UGGT2: variants seen among roughly 807,000 people sequenced by gnomAD.
UGGT2 encodes UDP-glucose:glycoprotein glucosyltransferase 2.
A neutral mutation model predicts 192.1 loss-of-function variants in UGGT2; 180 were observed. The ratio of observed to expected loss-of-function variants is 0.94; its 90% CI spans 0.83 to 1.06. UGGT2 has a LOEUF of 1.06. Ranked by LOEUF, UGGT2 falls within the 50% of genes least tolerant of loss-of-function variation. The pLI, the probability that UGGT2 is intolerant of heterozygous loss-of-function variation, is 0.00. For missense variants in UGGT2, 1,849 were observed against 1,795.7 expected, an observed-to-expected ratio of 1.03 and a Z score of -0.54; for synonymous variants, 580 against 591.0, an observed-to-expected ratio of 0.98 and a Z score of 0.27.
At chr13:95,928,177 G>A (rs1267935866) in intron 17 of UGGT2, among the ~76,000 whole-genome samples, 1 of 152,142 alleles carries the variant, frequency 6.6e-6, no homozygotes, top group Non-Finnish European at 1.5e-5. Flanking sequence ...TGAGCTGTTG[G>A]GTACACCTCC....
At position 95,887,907 on chromosome 13, in the gene UGGT2, T is replaced by C. The variant is rs761997214; in HGVS notation, c.3023A>G (p.Glu1008Gly). ...LFMNCRGRLS[E>G]APLESFYRFV... is the part of the protein sequence containing the mutation. Reference sequence around the variant, plus strand: ...TCAGATTTACCTTTCTAAAGGGGCTTCTGAAAGCCTGCCCCTACAGTTCAT... The same window carrying C: ...TCAGATTTACCTTTCTAAAGGGGCTCCTGAAAGCCTGCCCCTACAGTTCAT... The change falls in exon 26 of 39, where the codon GAA (glutamate) becomes GGA (glycine). Residue 1008 changes from glutamate (E) to glycine (G), a missense_variant. Physicochemically the swap from Glu to Gly is moderately conservative, Grantham distance 98 (BLOSUM62 -2). Coordinates refer to ENST00000376747, the MANE Select transcript of UGGT2 (RefSeq NM_020121.4). 6.2e-7 allele frequency: 1 copy of C among 1,600,838 alleles called. No homozygotes were observed. The highest frequency in any genetic ancestry group is 1.7e-5 in the Admixed American group (1 of 59,046).
intron 11 of UGGT2, among the ~76,000 whole-genome samples, chr13:95,970,602 C>T (rs2050741613): frequency 6.6e-6 from 1 of 152,024 alleles, no homozygotes; most frequent in South Asian, 2.1e-4. Context: ...GACAAACCTA[C>T]TACAAAAATA....
At chr13:96,051,991 G>C (rs1445680471) in intron 1 of UGGT2, among the ~76,000 whole-genome samples, 2 of 152,070 alleles carry the variant, frequency 1.3e-5, no homozygotes, top group Non-Finnish European at 2.9e-5. Context: ...TCTACCCAGA[G>C]GAAAAGAAGT....
chr13:96,053,108 GGC>G lies in UGGT2; in HGVS notation c.158+45_158+46del, dbSNP rs747092633. ...GCACGAAGAAAGCGCGGCTGAGGGT[GGC>G]AGCGCGCCCACACCCGCCCGGACGA... is the stretch of plus-strand genomic sequence containing the variant. On this transcript the variant is annotated intron_variant, in intron 1 of 38. Coordinates refer to ENST00000376747, the MANE Select transcript of UGGT2 (RefSeq NM_020121.4). 5.6e-6 allele frequency: 8 copies of G among 1,426,226 alleles called. No individual in the cohort carries two copies. In the South Asian group the frequency reaches 1.2e-4, roughly 21 times the overall value. 88.3% of individuals were successfully genotyped at this position (1,426,226 alleles called of 1,614,324 possible). A position where few individuals can be genotyped will look rare whatever the true frequency, so the allele number is the denominator to read the frequency against.
In UGGT2 at chr13:95,825,245, G is replaced by A. The variant is rs78111809; in HGVS notation, c.4528+7682C>T. ...TACTGAGTTGATGGTTCAGGCTTCAGGATAGGAGTGGTATCCCTGGGTAGG... is the reference window on the plus strand; with the variant it reads ...TACTGAGTTGATGGTTCAGGCTTCAAGATAGGAGTGGTATCCCTGGGTAGG... On this transcript the variant is annotated intron_variant, in intron 38 of 38. Transcript: ENST00000376747. 3.7e-3 allele frequency among the ~76,000 whole-genome samples: 557 copies of A among 152,232 alleles called. 3 individuals carry two copies. Among genetic ancestry groups the A allele is most frequent in the African/African-American group, 0.012 (516 of 41,556 alleles).
intron 26 of UGGT2, among the ~76,000 whole-genome samples, chr13:95,887,644 TAC>T (rs1456545842): frequency 6.6e-6 from 1 of 152,160 alleles, no homozygotes; most frequent in Non-Finnish European, 1.5e-5. Flanking sequence ...TTTCCAAAAA[TAC>T]CTATGAATAA....
chr13:95,915,585 T>A (rs1464776259), intron 20 of UGGT2, among the ~76,000 whole-genome samples: 1 of 152,256 alleles, frequency 6.6e-6, no homozygotes, highest in East Asian at 1.9e-4. Context: ...CTTATCCCTG[T>A]GGAAGCTTTA....
chr13:96,000,310 T>A (rs1381553304), intron 5 of UGGT2, among the ~76,000 whole-genome samples: 1 of 152,214 alleles, frequency 6.6e-6, no homozygotes, highest in Admixed American at 6.5e-5. Context: ...CTTTCCTCCC[T>A]AAACTTTCTA....
chr13:96,051,550 G>A (rs1342640135), intron 1 of UGGT2, among the ~76,000 whole-genome samples: 1 of 151,606 alleles, frequency 6.6e-6, no homozygotes, highest in Non-Finnish European at 1.5e-5. Flanking sequence ...AGAGTAAACA[G>A]ACAACCCACA....
chr13:95,880,184 T>C (rs2047453465), intron 27 of UGGT2, among the ~76,000 whole-genome samples: 1 of 152,260 alleles, frequency 6.6e-6, no homozygotes, highest in Non-Finnish European at 1.5e-5. Context: ...AAGAAAAGGC[T>C]AAGTTTAATT....
At chr13:95,941,282 T>C (rs748164548) in intron 15 of UGGT2, among the ~76,000 whole-genome samples, 1 of 152,346 alleles carries the variant, frequency 6.6e-6, no homozygotes. Flanking sequence ...ATCTTCATAT[T>C]GTGGCTAAAA....
rs764078302 is a variant in UGGT2, at chr13:96,013,329, T to C, written c.638A>G (p.Tyr213Cys). The change falls in exon 5 of 39, where the codon TAT (tyrosine) becomes TGT (cysteine). Residue 213 changes from tyrosine (Y) to cysteine (C), a missense_variant. By Grantham distance (194) the Tyr-to-Cys change is radical. Transcript: ENST00000376747. ...SEKAQNEEILYVLRHYIQKPS... is the reference protein window; with the variant it reads ...SEKAQNEEILCVLRHYIQKPS... ...TACCTGAATATAATGGCGAAGAACA[T>C]ACAGAATTTCCTCATTTTGAGCTTT... 1.9e-6 allele frequency: 3 copies of C among 1,601,848 alleles called. No individual in the cohort carries two copies. The highest frequency in any genetic ancestry group is 3.5e-5 in the Admixed American group (2 of 56,468).
rs538475106 is a variant in UGGT2, at chr13:95,866,848, TTCCTTATTA to T, written c.3558+482_3558+490del. 2.9e-3 allele frequency among the ~76,000 whole-genome samples: 444 copies of T among 152,270 alleles called. 1 individual carries two copies. Among genetic ancestry groups the T allele is most frequent in the African/African-American group, 0.01 (421 of 41,558 alleles). ...TTTCCCTTTAATTTTGGTTTTGGGT[TTCCTTATTA>T]TCCTTATTATCTTATTATTCTCCGT... On this transcript the variant is annotated intron_variant, in intron 30 of 38. Transcript: ENST00000376747.
intron 37 of UGGT2, among the ~76,000 whole-genome samples, chr13:95,836,841 A>AT (rs34069869): frequency 0.84 from 128,267 of 152,130 alleles, 54,356 homozygotes; most frequent in East Asian, 0.95. Flanking sequence ...GTGATAAATC[A>AT]AGCCATGAAT....
chr13:95,947,144 C>T lies in UGGT2; in HGVS notation c.1570G>A (p.Asp524Asn). 1 of 1,610,092 alleles carries T rather than the reference C, an allele frequency of 6.2e-7. No homozygotes were observed. The highest frequency in any genetic ancestry group is 1.1e-5 in the South Asian group (1 of 89,964). Residue 524 changes from aspartate to asparagine, a missense_variant, in exon 15 of 39, where the codon GAT (aspartate) becomes AAT (asparagine). Physicochemically the swap from Asp to Asn is conservative, Grantham distance 23 (BLOSUM62 1). Transcript: ENST00000376747. ...RIGFVFILNT[D>N]DEVDGANDAG... ...TCATTTGCTCCATCAACTTCATCAT[C>T]TGTATTAAGAATGAACACAAAACCA...
rs561889523 is a variant in UGGT2, at chr13:95,921,032, C to T, written c.2295+4648G>A. Among the ~76,000 whole-genome samples the T allele has an allele frequency of 7.9e-5, 12 of 152,236 alleles. No individual in the cohort carries two copies. In the East Asian group the frequency reaches 2.3e-3, roughly 29 times the overall value. On this transcript the variant is annotated intron_variant, in intron 20 of 38. Coordinates refer to ENST00000376747, the MANE Select transcript of UGGT2 (RefSeq NM_020121.4). ...GCAGCCATAAAATGGAATGAAATCA[C>T]ATCCTTTGCAGGGACACAGAAGGAG...
intron 1 of UGGT2, among the ~76,000 whole-genome samples, chr13:96,036,610 A>T (rs1307382029): frequency 6.6e-6 from 1 of 152,216 alleles, no homozygotes; most frequent in East Asian, 1.9e-4. Flanking sequence ...CCCTCAATAC[A>T]TCACTGCTCT....
At chr13:95,826,289 A>G (rs1227284359) in intron 38 of UGGT2, among the ~76,000 whole-genome samples, 1 of 152,132 alleles carries the variant, frequency 6.6e-6, no homozygotes, top group African/African-American at 2.4e-5. Context: ...TTGGTCAACC[A>G]CAGTAAGGAA....
At chr13:95,904,265 C>T (rs1028272554) in intron 20 of UGGT2, among the ~76,000 whole-genome samples, 5 of 151,902 alleles carry the variant, frequency 3.3e-5, no homozygotes, top group African/African-American at 1.2e-4. Context: ...CCTTTCTCTA[C>T]TCTAAAGTAA....
Sources: allele counts gnomAD v4.1 joint callset (sites outside exome capture counted in the v4.1 genomes callset), GRCh38; gene constraint gnomAD v4.1.1; transcripts MANE v1.5; gene names NCBI Gene and HGNC (gene_info 2026-07-23, HGNC 2026-07-21).